The following NEDD4 variants were observed in gnomAD, a reference collection of about 807,000 sequenced individuals.
NEDD4 encodes NEDD4 E3 ubiquitin protein ligase, also known as E3 ubiquitin-protein ligase NEDD4.
Under a neutral mutation model 144.9 loss-of-function variants are expected in NEDD4, and 99 were observed. The ratio of observed to expected loss-of-function variants is 0.68; its 90% confidence interval spans 0.58 to 0.81. The LOEUF is 0.81. Among genes scored for constraint, NEDD4 ranks in the 30% least tolerant of loss-of-function variants. NEDD4 has a pLI of 0.00. For missense variants in NEDD4, 985 were observed against 1,065.9 expected (o/e 0.92, Z 1.06); for synonymous variants, 318 against 350.6 (o/e 0.91, Z 1.04).
intron 1 of NEDD4, among the ~76,000 whole-genome samples, chr15:55,969,186 G>A (rs370018498): frequency 3.2e-4 from 49 of 152,334 alleles, no homozygotes; most frequent in African/African-American, 1.2e-3. Flanking sequence ...CCCTGTCGCA[G>A]TGGAAGGCAA....
intron 1 of NEDD4, among the ~76,000 whole-genome samples, chr15:55,971,857 G>A (rs978837270): frequency 2.6e-5 from 4 of 152,032 alleles, no homozygotes; most frequent in African/African-American, 4.8e-5. Flanking sequence ...GATCTTAGAC[G>A]CAGCAAGAGA....
intron 1 of NEDD4, among the ~76,000 whole-genome samples, chr15:55,975,826 A>C (rs2037689755): frequency 6.6e-6 from 1 of 152,260 alleles, no homozygotes; most frequent in African/African-American, 2.4e-5. Flanking sequence ...AGCCAAAGTC[A>C]TCCTGAGCAA....
chr15:55,899,246 T>A (rs1190188110), intron 5 of NEDD4, among the ~76,000 whole-genome samples: 3 of 152,242 alleles, frequency 2.0e-5, no homozygotes, highest in African/African-American at 7.2e-5. Context: ...AGTGGCAGAA[T>A]AAAATGTTTT....
chr15:55,991,028 G>A (rs528628915), intron 1 of NEDD4, among the ~76,000 whole-genome samples: 7 of 152,310 alleles, frequency 4.6e-5, no homozygotes, highest in Non-Finnish European at 1.0e-4. Context: ...GCATACTTCA[G>A]TGCTAATATG....
At chr15:55,860,598 A>G in intron 10 of NEDD4, 24 bp from the exon 11 acceptor site, 1 of 1,613,846 alleles carries the variant, frequency 6.2e-7, no homozygotes, top group Non-Finnish European at 8.5e-7. Context: ...AATAAGCTTG[A>G]GCCACACATA....
At chr15:55,980,380 G>A (rs751253832) in intron 1 of NEDD4, among the ~76,000 whole-genome samples, 3 of 152,096 alleles carry the variant, frequency 2.0e-5, no homozygotes, top group Non-Finnish European at 4.4e-5. Flanking sequence ...TGAGAACAGC[G>A]GCTGCTGTAC....
intron 8 of NEDD4, among the ~76,000 whole-genome samples, chr15:55,868,311 T>C (rs570011177): frequency 6.6e-6 from 1 of 152,218 alleles, no homozygotes; most frequent in Non-Finnish European, 1.5e-5. Flanking sequence ...AGGCAACAAA[T>C]AAGAACCCTC....
chr15:55,959,903 C>T (rs554942353), intron 2 of NEDD4, among the ~76,000 whole-genome samples: 14 of 152,288 alleles, frequency 9.2e-5, no homozygotes, highest in Middle Eastern at 3.4e-3. Flanking sequence ...GAAGTGAATT[C>T]CTATAATTTT....
chr15:55,939,056 T>C (rs2036945615), intron 4 of NEDD4, among the ~76,000 whole-genome samples: 1 of 152,110 alleles, frequency 6.6e-6, no homozygotes, highest in Non-Finnish European at 1.5e-5. Flanking sequence ...CAATAAGCCA[T>C]GATTGTGCCA....
chr15:55,874,310 A>G (rs765942609), intron 5 of NEDD4, among the ~76,000 whole-genome samples: 2 of 152,106 alleles, frequency 1.3e-5, no homozygotes, highest in African/African-American at 2.4e-5. Context: ...CAATCCTTCA[A>G]AGAAGGAACT....
At chr15:55,972,557 C>T (rs1201649834) in intron 1 of NEDD4, among the ~76,000 whole-genome samples, 1 of 151,994 alleles carries the variant, frequency 6.6e-6, no homozygotes, top group Non-Finnish European at 1.5e-5. Context: ...GAAATTAAAG[C>T]ATACCACTAA....
intron 12 of NEDD4, among the ~76,000 whole-genome samples, chr15:55,854,128 AAC>A (rs1158865767): frequency 6.6e-6 from 1 of 152,088 alleles, no homozygotes; most frequent in East Asian, 1.9e-4. Flanking sequence ...CAGCCTGGAC[AAC>A]AGAGCAAGAC....
intron 4 of NEDD4, among the ~76,000 whole-genome samples, chr15:55,938,893 T>C (rs2036942621): frequency 1.3e-5 from 2 of 151,932 alleles, no homozygotes; most frequent in Admixed American, 6.6e-5. Flanking sequence ...ATCACTTGAA[T>C]CCAGGAGTCT....
chr15:55,869,161 T>C (rs1423206221), intron 8 of NEDD4, among the ~76,000 whole-genome samples: 1 of 152,172 alleles, frequency 6.6e-6, no homozygotes, highest in African/African-American at 2.4e-5. Context: ...CCTTGCTCCC[T>C]AATTCCCCTC....
At chr15:55,978,427 T>C (rs1476811892) in intron 1 of NEDD4, among the ~76,000 whole-genome samples, 1 of 152,242 alleles carries the variant, frequency 6.6e-6, no homozygotes, top group Non-Finnish European at 1.5e-5. Context: ...GTCAAATTAG[T>C]CTTTTCCATC....
intron 2 of NEDD4, among the ~76,000 whole-genome samples, chr15:55,962,291 C>T (rs1421751938): frequency 6.6e-6 from 1 of 152,186 alleles, no homozygotes; most frequent in Non-Finnish European, 1.5e-5. Context: ...TCACGTAGGA[C>T]AGTATATAGT....
chr15:55,952,100 G>A (rs988794736), intron 2 of NEDD4, among the ~76,000 whole-genome samples: 7 of 151,826 alleles, frequency 4.6e-5, no homozygotes, highest in Admixed American at 6.6e-5. Flanking sequence ...AGGCCGAGGC[G>A]GGCGGATCAT....
intron 5 of NEDD4, among the ~76,000 whole-genome samples, chr15:55,904,558 C>T (rs2036024428): frequency 6.6e-6 from 1 of 152,100 alleles, no homozygotes; most frequent in Admixed American, 6.5e-5. Context: ...CCACTTCAGG[C>T]TCCCAAAGTG....
chr15:55,966,662 T>A, intron 1 of NEDD4, 116 bp from the exon 2 acceptor site: 1 of 450,440 alleles, frequency 2.2e-6, no homozygotes, highest in Non-Finnish European at 3.9e-6. Flanking sequence ...AATTGAAGAA[T>A]CTTTTTCAAT....
Sources: gnomAD v4.1 joint callset for allele counts (sites outside exome capture counted in the v4.1 genomes callset) on GRCh38, gnomAD v4.1.1 for gene constraint, MANE v1.5 for transcripts, NCBI Gene and HGNC (gene_info 2026-07-23, HGNC 2026-07-21) for gene names.